Variants in AP4S1 observed in about 807,000 individuals in gnomAD.
AP4S1 encodes adaptor related protein complex 4 subunit sigma 1.
Under a neutral mutation model 19.8 loss-of-function variants are expected in AP4S1, and 23 were observed. The observed-to-expected ratio is 1.16, with a 90% CI of 0.84 to 1.65. The LOEUF (loss-of-function observed/expected upper bound fraction) is 1.65, where lower values mean the gene tolerates loss of function less well. AP4S1 is among the 40% of genes most tolerant of loss of function. The pLI is 0.00. For synonymous variants in AP4S1, 46 were observed against 54.1 expected (o/e 0.85, Z 0.66); for missense variants, 166 against 172.8 (o/e 0.96, Z 0.22).
In AP4S1 at chr14:31,066,346, G is replaced by T; in HGVS notation, c.138+12G>T. 6.2e-7 allele frequency: 1 copy of T among 1,613,782 alleles called. No individual in the cohort carries two copies. The highest frequency in any genetic ancestry group is 8.5e-7 in the Non-Finnish European group (1 of 1,179,888). On this transcript the variant is annotated intron_variant, in intron 2 of 5. Transcript: ENST00000542754. ...GATCCAATGAACAAGTAAGTCTCTG[G>T]TTCTCTCTTTTATCTCTGCATTCAA...
At chr14:31,026,193 G>A (rs1431298886) in intron 1 of AP4S1, 5 of 1,429,010 alleles carry the variant, frequency 3.5e-6, no homozygotes, top group Admixed American at 3.1e-5. Flanking sequence ...CATTGTGTGT[G>A]GGGCCCCGGC....
At chr14:31,069,504 TGC>T (rs1442598295) in intron 2 of AP4S1, among the ~76,000 whole-genome samples, 2 of 152,220 alleles carry the variant, frequency 1.3e-5, no homozygotes, top group Non-Finnish European at 2.9e-5. Context: ...TTATCGTGTT[TGC>T]TTATTTTCGC....
rs147143319 is a variant in AP4S1 at position 31,092,547 on chromosome 14, TTAC to T, written c.307-357_307-355del. Among the ~76,000 whole-genome samples the T allele has an allele frequency of 8.6e-3, 1,316 of 152,178 alleles. 14 individuals are homozygous for T. The highest frequency in any genetic ancestry group is 0.03 in the African/African-American group (1,243 of 41,570). On this transcript the variant is annotated intron_variant, in intron 5 of 5. Transcript: ENST00000542754. ...AGTATTCAACAAATCGTTGCTACTG[TTAC>T]TATTATTGTCTGGGAAGACAACACT...
At chr14:31,046,895 A>G (rs974409262) in intron 1 of AP4S1, among the ~76,000 whole-genome samples, 5 of 152,062 alleles carry the variant, frequency 3.3e-5, no homozygotes, top group African/African-American at 1.2e-4. Flanking sequence ...TAATATGGTA[A>G]ATTTGTGTTT....
intron 5 of AP4S1, chr14:31,085,361 TG>T: frequency 1.0e-6 from 1 of 991,554 alleles, no homozygotes; most frequent in Non-Finnish European, 1.2e-6. Flanking sequence ...CCTACGTGCC[TG>T]GGGAGAGAAG....
At position 31,030,604 on chromosome 14, in the gene AP4S1, G is replaced by A. The variant is rs570167399; in HGVS notation, c.-72+4817G>A. On this transcript the variant is annotated intron_variant, in intron 1 of 5. Coordinates refer to ENST00000542754, the MANE Select transcript of AP4S1 (RefSeq NM_001128126.3). ...CCTCAAGCAGTCCTCCTTCCTTGGC[G>A]TCCCAAAGTGGTAAGATTACAGGCA... Among the ~76,000 whole-genome samples, 9 of 152,114 alleles carry A rather than the reference G, an allele frequency of 5.9e-5. No individual in the cohort carries two copies. In the South Asian group the frequency reaches 8.3e-4, roughly 14 times the overall value.
intron 1 of AP4S1, chr14:31,033,120 A>G (rs1469726050): frequency 1.3e-5 from 2 of 152,180 alleles, no homozygotes; most frequent in Non-Finnish European, 2.9e-5. Flanking sequence ...CAATGGGTTC[A>G]TTATTACTGT....
intron 1 of AP4S1, among the ~76,000 whole-genome samples, chr14:31,046,533 C>T (rs1393637560): frequency 6.6e-6 from 1 of 152,022 alleles, no homozygotes; most frequent in Non-Finnish European, 1.5e-5. Context: ...GTTTTCATTT[C>T]TCTTGGGTAT....
At chr14:31,082,625 G>A (rs376392092) in intron 5 of AP4S1, among the ~76,000 whole-genome samples, 7 of 152,254 alleles carry the variant, frequency 4.6e-5, no homozygotes, top group Admixed American at 1.3e-4. Flanking sequence ...GGCCGGGCGC[G>A]GTGGCTCACG....
chr14:31,065,936 A>G (rs1245332069), intron 1 of AP4S1, among the ~76,000 whole-genome samples, 190 bp from the exon 2 acceptor site: 1 of 152,236 alleles, frequency 6.6e-6, no homozygotes, highest in Non-Finnish European at 1.5e-5. Context: ...CTGGAATTAC[A>G]GGCATGAGCC....
At chr14:31,060,538 T>C (rs1186810534) in intron 1 of AP4S1, among the ~76,000 whole-genome samples, 1 of 152,220 alleles carries the variant, frequency 6.6e-6, no homozygotes, top group Non-Finnish European at 1.5e-5. Flanking sequence ...GGCAGGTACG[T>C]GGCAAAGCCA....
At chr14:31,027,949 G>A (rs1385982402) in intron 1 of AP4S1, among the ~76,000 whole-genome samples, 1 of 152,060 alleles carries the variant, frequency 6.6e-6, no homozygotes, top group African/African-American at 2.4e-5. Context: ...TACTGCAAAA[G>A]CCAATAAAAC....
intron 1 of AP4S1, among the ~76,000 whole-genome samples, chr14:31,030,870 T>C (rs1594620243): frequency 6.6e-6 from 1 of 152,214 alleles, no homozygotes; most frequent in East Asian, 1.9e-4. Context: ...GTGCTGCCTA[T>C]TTAAAGAATT....
At chr14:31,085,971 C>T (rs903473207) in intron 5 of AP4S1, 6 of 316,548 alleles carry the variant, frequency 1.9e-5, no homozygotes, top group Non-Finnish European at 2.3e-5. Flanking sequence ...TCTGTGACTC[C>T]GCCAGCATCT....
intron 1 of AP4S1, among the ~76,000 whole-genome samples, chr14:31,041,211 G>A (rs527518271): frequency 5.3e-5 from 8 of 151,984 alleles, no homozygotes; most frequent in Admixed American, 1.3e-4. Flanking sequence ...GTGCAGTGGC[G>A]TAATCTCTGC....
intron 1 of AP4S1, among the ~76,000 whole-genome samples, chr14:31,040,111 A>G (rs1885022684): frequency 6.6e-6 from 1 of 151,642 alleles, no homozygotes; most frequent in South Asian, 2.1e-4. Flanking sequence ...TCAACTTGTC[A>G]GAGATATAGT....
chr14:31,082,167 G>T (rs1887670765), intron 5 of AP4S1, among the ~76,000 whole-genome samples: 2 of 152,052 alleles, frequency 1.3e-5, no homozygotes, highest in African/African-American at 4.8e-5. Flanking sequence ...TAAAGTAACT[G>T]GGAAAATCTG....
intron 1 of AP4S1, among the ~76,000 whole-genome samples, chr14:31,046,990 C>T (rs762401714): frequency 6.6e-6 from 1 of 152,102 alleles, no homozygotes; most frequent in Non-Finnish European, 1.5e-5. Context: ...ATTCCAGGGT[C>T]TCCACATCTT....
At chr14:31,047,528 C>T (rs1885484909) in intron 1 of AP4S1, among the ~76,000 whole-genome samples, 1 of 151,732 alleles carries the variant, frequency 6.6e-6, no homozygotes, top group African/African-American at 2.4e-5. Context: ...GCTGGGACTA[C>T]ATACAGGCGC....
Sources: allele counts gnomAD v4.1 joint callset (sites outside exome capture counted in the v4.1 genomes callset), GRCh38; gene constraint gnomAD v4.1.1; transcripts MANE v1.5; gene names NCBI Gene and HGNC (gene_info 2026-07-23, HGNC 2026-07-21).